The following EIF3L variants were observed in gnomAD, a reference collection of about 807,000 sequenced individuals.
EIF3L encodes the protein eIEF associated protein HSPC021.
A neutral mutation model predicts 74.6 loss-of-function variants in EIF3L; 32 were observed. That is an observed-to-expected ratio of 0.43 (90% CI 0.32 to 0.58). EIF3L has a LOEUF of 0.58. Ranked by LOEUF, EIF3L falls within the 20% of genes least tolerant of loss-of-function variation. EIF3L has a pLI of 0.06. For synonymous variants in EIF3L, 256 were observed against 254.4 expected (o/e 1.01, Z -0.06); for missense variants, 474 against 707.8 (o/e 0.67, Z 3.75).
intron 5 of EIF3L, among the ~76,000 whole-genome samples, chr22:37,862,611 C>T (rs1174347516): frequency 6.6e-6 from 1 of 152,190 alleles, no homozygotes; most frequent in East Asian, 1.9e-4. Flanking sequence ...ATGCCCGGTG[C>T]AGCATTATCT....
intron 7 of EIF3L, among the ~76,000 whole-genome samples, chr22:37,863,755 T>C (rs1925989759): frequency 6.6e-6 from 1 of 151,982 alleles, no homozygotes; most frequent in East Asian, 1.9e-4. Flanking sequence ...AATGTTCTAT[T>C]ATCTTTTTTT....
At chr22:37,877,544 G>A (rs1415486271) in intron 10 of EIF3L, 130 bp from the exon 11 acceptor site, 2 of 1,140,962 alleles carry the variant, frequency 1.8e-6, no homozygotes, top group Middle Eastern at 3.0e-4. Flanking sequence ...TGTTGGGGAA[G>A]TTCAATGGCT....
chr22:37,864,063 C>T (rs1395936811), intron 7 of EIF3L, among the ~76,000 whole-genome samples: 1 of 138,232 alleles, frequency 7.2e-6, no homozygotes, highest in Non-Finnish European at 1.6e-5. Flanking sequence ...GACTCCATCT[C>T]AAAAAAAAAA....
rs942812470 is a variant in EIF3L, at chr22:37,855,980, G to A, written c.373+336G>A. On this transcript the variant is annotated intron_variant, in intron 4 of 12. Transcript: ENST00000652021. The stretch of plus-strand genomic sequence containing the variant: ...TGTCCTTTATATATGGGTGAGGTAG[G>A]CAAATCCAACTTCATTATTTTGCTT... Among the ~76,000 whole-genome samples the A allele has an allele frequency of 3.9e-4, 60 of 151,982 alleles. 1 individual carries two copies.
At chr22:37,854,229 C>A (rs1003522334) in intron 3 of EIF3L, among the ~76,000 whole-genome samples, 1 of 152,114 alleles carries the variant, frequency 6.6e-6, no homozygotes, top group African/African-American at 2.4e-5. Context: ...ACCAAAAAGT[C>A]TGCAGAAGAA....
chr22:37,865,605 A>G (rs1312778950), intron 7 of EIF3L, among the ~76,000 whole-genome samples: 1 of 152,196 alleles, frequency 6.6e-6, no homozygotes, highest in Non-Finnish European at 1.5e-5. Context: ...TGAACCAGGG[A>G]GACGTTGTGT....
At chr22:37,871,445 G>C (rs1926463722) in intron 8 of EIF3L, among the ~76,000 whole-genome samples, 1 of 152,150 alleles carries the variant, frequency 6.6e-6, no homozygotes, top group Non-Finnish European at 1.5e-5. Context: ...ATGAGCAGTT[G>C]CAGTCAGAAC....
intron 5 of EIF3L, among the ~76,000 whole-genome samples, chr22:37,859,423 C>G (rs1162600910): frequency 7.4e-6 from 1 of 135,664 alleles, no homozygotes; most frequent in Non-Finnish European, 1.5e-5. Context: ...GCTCTGTCGC[C>G]CAGGCTGGAG....
chr22:37,878,150 G>A lies in EIF3L; in HGVS notation c.1554G>A (p.Glu518=). The change falls in exon 11 of 13, where the codon GAG becomes GAA. Residue 518 remains glutamate (E), a synonymous_variant. Transcript: ENST00000652021. ...ATGGTGAATTTCAGTCAGCCTCAGA[G>A]GTTGACTTCTACATTGATAAGGTAT... ...ALDGEFQSAS[E]VDFYIDKDMI... is the part of the protein sequence containing the mutation. The A allele has an allele frequency of 6.2e-7, 1 of 1,610,948 alleles. No homozygotes were observed. Among genetic ancestry groups the A allele is most frequent in the Non-Finnish European group, 8.5e-7 (1 of 1,177,986 alleles).
intron 7 of EIF3L, among the ~76,000 whole-genome samples, chr22:37,867,542 C>T (rs1245960434): frequency 6.6e-6 from 1 of 150,396 alleles, no homozygotes. Context: ...GTCTGTAATC[C>T]CAGCTACTCA....
At chr22:37,877,492 A>G in intron 10 of EIF3L, 182 bp from the exon 11 acceptor site, 1 of 667,136 alleles carries the variant, frequency 1.5e-6, no homozygotes, top group Non-Finnish European at 2.5e-6. Context: ...ATCTGGAGCT[A>G]GGATGGAAGT....
chr22:37,886,663 C>A, intron 11 of EIF3L, 102 bp from the exon 12 acceptor site: 1 of 884,486 alleles, frequency 1.1e-6, no homozygotes, highest in Non-Finnish European at 1.8e-6. Flanking sequence ...TTACATCTAA[C>A]ACTCACCATC....
At position 37,889,021 on chromosome 22, in the gene EIF3L, A is replaced by C. The variant is rs1424383399; in HGVS notation, c.*557A>C. ...CCCAAAATGTGCTAGGATTACAGGCATGAGCCACCACGCCCCGCCTAAATT... is the reference window on the plus strand; with the variant it reads ...CCCAAAATGTGCTAGGATTACAGGCCTGAGCCACCACGCCCCGCCTAAATT... On this transcript the variant is annotated 3_prime_UTR_variant, in exon 13 of 13. Transcript: ENST00000652021. 6.6e-6 allele frequency: 1 copy of C among 152,332 alleles called. No individual in the cohort carries two copies. The highest frequency in any genetic ancestry group is 2.4e-5 in the African/African-American group (1 of 41,352). The allele number at this position is 152,332 out of a possible 1,614,324, so 9.4% of individuals were successfully genotyped here. A position where few individuals can be genotyped will look rare whatever the true frequency, so the allele number is the denominator to read the frequency against.
chr22:37,850,059 C>T lies in EIF3L; in HGVS notation c.78C>T (p.His26=), dbSNP rs778717479. The T allele has an allele frequency of 1.9e-6, 3 of 1,613,526 alleles. No homozygotes were observed. Among genetic ancestry groups the T allele is most frequent in the Non-Finnish European group, 2.5e-6 (3 of 1,179,704 alleles). ...PYAYPSDYDM[H]TGDPKQDLAY... ...CTTATCCCAGCGACTATGATATGCACACAGGTGAGACCACGGGTTAGGCTG... is the reference window on the plus strand; with the variant it reads ...CTTATCCCAGCGACTATGATATGCATACAGGTGAGACCACGGGTTAGGCTG... The change falls in exon 2 of 13, where the codon CAC becomes CAT. Residue 26 remains histidine, a synonymous_variant. Transcript: ENST00000652021.
In EIF3L at chr22:37,862,972, G is replaced by A. The variant is rs898806054; in HGVS notation, c.439G>A (p.Gly147Arg). ...YRHIYAKVSGGPSLEQRFESY... is the reference protein window; with the variant it reads ...YRHIYAKVSGRPSLEQRFESY... Reference sequence around the variant, plus strand: ...ATATCTCTTGTTTTCTTTACAGGGGGGACCTTCCTTGGAGCAGAGGTTTGA... The same window carrying A: ...ATATCTCTTGTTTTCTTTACAGGGGAGACCTTCCTTGGAGCAGAGGTTTGA... Residue 147 changes from glycine to arginine, a missense_variant, in exon 6 of 13, where the codon GGA becomes AGA. Around this residue, in one of 4 missense-constraint regions of EIF3L, gnomAD observed 141 missense variants for 197.7 expected, o/e 0.71. Transcript: ENST00000652021. 1.9e-6 allele frequency: 3 copies of A among 1,609,450 alleles called. No homozygotes were observed. The highest frequency in any genetic ancestry group is 1.1e-5 in the South Asian group (1 of 90,186).
chr22:37,870,752 G>A (rs368975200), intron 8 of EIF3L, among the ~76,000 whole-genome samples: 1 of 151,350 alleles, frequency 6.6e-6, no homozygotes, highest in Non-Finnish European at 1.5e-5. Context: ...AGATCTCTCT[G>A]TCTGGCTGAG....
Position 37,877,822 on chromosome 22 carries a change from A to G in EIF3L, c.1226A>G (p.Tyr409Cys), listed in dbSNP as rs1926833679. ...ATGCAGAAAGGTGACCCACAAGTCTATGAAGAACTTTTCAGTTACTCCTGC... is the reference window on the plus strand; with the variant it reads ...ATGCAGAAAGGTGACCCACAAGTCTGTGAAGAACTTTTCAGTTACTCCTGC... Reference protein sequence around the residue: ...LRMQKGDPQVYEELFSYSCPK... With the variant: ...LRMQKGDPQVCEELFSYSCPK... The change falls in exon 11 of 13, where the codon TAT becomes TGT. Residue 409 changes from tyrosine to cysteine, a missense_variant. By Grantham distance (194) the Tyr-to-Cys change is radical. Transcript: ENST00000652021. 1 of 1,613,954 alleles carries G rather than the reference A, an allele frequency of 6.2e-7. No individual in the cohort carries two copies. Among genetic ancestry groups the G allele is most frequent in the Non-Finnish European group, 8.5e-7 (1 of 1,179,870 alleles).
At chr22:37,875,300 C>T (rs1926686334) in intron 9 of EIF3L, among the ~76,000 whole-genome samples, 1 of 151,232 alleles carries the variant, frequency 6.6e-6, no homozygotes, top group Non-Finnish European at 1.5e-5. Context: ...ATCACTTGAA[C>T]CTGGGAGGCA....
chr22:37,876,295 ATTTTTTTTTTTTT>A (rs146250173), intron 10 of EIF3L: 3 of 110,420 alleles, frequency 2.7e-5, no homozygotes, highest in Non-Finnish European at 3.4e-5. Context: ...ACACCGGCTA[ATTTTTTTTTTTTT>A]TTTTTTTTTT....
Sources: allele counts gnomAD v4.1 joint callset (sites outside exome capture counted in the v4.1 genomes callset), GRCh38; gene constraint gnomAD v4.1.1; regional missense constraint gnomAD v4.1.1; transcripts MANE v1.5; gene names NCBI Gene and HGNC (gene_info 2026-07-23, HGNC 2026-07-21).